Variants in CCL28 observed in about 807,000 individuals in gnomAD.
The protein encoded by CCL28 is C-C motif chemokine ligand 28.
In CCL28, 4 loss-of-function variants were observed where a neutral mutation model predicts 7.1. The ratio of observed to expected loss-of-function variants is 0.56; its 90% confidence interval spans 0.28 to 1.29. The LOEUF (loss-of-function observed/expected upper bound fraction) is 1.29. CCL28 is among the 50% of genes most tolerant of loss of function. The probability of loss-of-function intolerance (pLI) is 0.11; values close to 1 mark genes in which losing one functional copy is unlikely to be tolerated. For synonymous variants in CCL28, 55 were observed against 57.8 expected (o/e 0.95, Z 0.22); for missense variants, 151 against 163.4 (o/e 0.92, Z 0.41).
At chr5:43,389,030 T>C (rs927793702) in intron 1 of CCL28, among the ~76,000 whole-genome samples, 1 of 152,212 alleles carries the variant, frequency 6.6e-6, no homozygotes. Context: ...AAGGCCATAC[T>C]GTATGATTCC....
chr5:43,362,829 G>A, the CCL28 span, among the ~76,000 whole-genome samples: 1 of 152,148 alleles, frequency 6.6e-6, no homozygotes, highest in African/African-American at 2.4e-5. Flanking sequence ...TATTTCTGAT[G>A]TAAAAGATTG....
intron 2 of CCL28, chr5:43,384,152 A>T (rs937998505): frequency 6.5e-6 from 1 of 154,380 alleles, no homozygotes; most frequent in African/African-American, 2.4e-5. Flanking sequence ...TACACAGGAA[A>T]GACCTACGAT....
At position 43,381,278 on chromosome 5, in the gene CCL28, C is replaced by T. The variant is rs1234302315; in HGVS notation, c.*582G>A. ...ATATATAGATGTTCATTGTACCATT[C>T]TTTTAACTTCTCTGTAAGTTTGGAA... On this transcript the variant is annotated 3_prime_UTR_variant, in exon 3 of 3. Coordinates refer to ENST00000361115, the MANE Select transcript of CCL28 (RefSeq NM_148672.3). 2 of 152,096 alleles carry T rather than the reference C, an allele frequency of 1.3e-5. No individual in the cohort carries two copies. The highest frequency in any genetic ancestry group is 2.4e-5 in the African/African-American group (1 of 41,412). 9.4% of individuals were successfully genotyped at this position (152,096 alleles called of 1,614,324 possible).
At chr5:43,411,535 C>T (rs1177468379) in intron 1 of CCL28, among the ~76,000 whole-genome samples, 1 of 152,026 alleles carries the variant, frequency 6.6e-6, no homozygotes, top group Non-Finnish European at 1.5e-5. Context: ...TTTCCCCTCC[C>T]CTCCCCTCTT....
chr5:43,387,889 G>C (rs1048341240), intron 2 of CCL28: 1 of 153,522 alleles, frequency 6.5e-6, no homozygotes, highest in Non-Finnish European at 1.4e-5. Context: ...GCCTCCCAAA[G>C]TGCTGGGATT....
At chr5:43,387,110 G>GC in intron 2 of CCL28, among the ~76,000 whole-genome samples, 1 of 152,330 alleles carries the variant, frequency 6.6e-6, no homozygotes, top group Admixed American at 6.5e-5. Context: ...GCCACAAATG[G>GC]TGTTAAAACC....
intron 1 of CCL28, among the ~76,000 whole-genome samples, chr5:43,393,800 A>G (rs1740684992): frequency 6.6e-6 from 1 of 152,248 alleles, no homozygotes; most frequent in African/African-American, 2.4e-5. Context: ...GCCAAGGGCC[A>G]AATAACCTCC....
At chr5:43,370,268 G>A in the CCL28 span, among the ~76,000 whole-genome samples, 854 of 152,236 alleles carry the variant, frequency 5.6e-3, 8 homozygotes, top group African/African-American at 0.02. Flanking sequence ...ACCAGTTAAC[G>A]AATACATAAA....
At chr5:43,409,488 A>G (rs1741447614) in intron 1 of CCL28, among the ~76,000 whole-genome samples, 1 of 152,130 alleles carries the variant, frequency 6.6e-6, no homozygotes, top group Non-Finnish European at 1.5e-5. Context: ...AGTCCCACCT[A>G]TGTCAGACCT....
chr5:43,406,309 G>T (rs983063766), intron 1 of CCL28, among the ~76,000 whole-genome samples: 15 of 151,850 alleles, frequency 9.9e-5, no homozygotes, highest in Admixed American at 4.6e-4. Context: ...ATGATCAAGT[G>T]GGCTTCATCC....
chr5:43,364,831 T>A, the CCL28 span, among the ~76,000 whole-genome samples: 8 of 152,218 alleles, frequency 5.3e-5, no homozygotes, highest in African/African-American at 1.9e-4. Context: ...TGTATTTTTT[T>A]ATCTTTGTTG....
intron 1 of CCL28, among the ~76,000 whole-genome samples, chr5:43,396,623 A>T (rs1740814044): frequency 6.6e-6 from 1 of 152,214 alleles, no homozygotes; most frequent in Non-Finnish European, 1.5e-5. Flanking sequence ...TCGTAAAAGT[A>T]CTATTTATTA....
At chr5:43,372,475 T>G (rs974654064), downstream of CCL28, among the ~76,000 whole-genome samples, 1 of 151,982 alleles carries the variant, frequency 6.6e-6, no homozygotes, top group African/African-American at 2.4e-5. Context: ...TTCAAGGGAT[T>G]CTTCTGCTTC....
At chr5:43,396,875 G>A (rs1241555744) in intron 1 of CCL28, among the ~76,000 whole-genome samples, 1 of 152,230 alleles carries the variant, frequency 6.6e-6, no homozygotes, top group Non-Finnish European at 1.5e-5. Flanking sequence ...GACTGAAGTG[G>A]AAAACAGCGG....
Position 43,412,366 on chromosome 5 carries a change from T to C in CCL28, c.-50A>G. 1.3e-6 allele frequency: 2 copies of C among 1,557,260 alleles called. No homozygotes were observed. Among genetic ancestry groups the C allele is most frequent in the Non-Finnish European group, 1.8e-6 (2 of 1,135,008 alleles). On this transcript the variant is annotated 5_prime_UTR_variant, in exon 1 of 3. Coordinates refer to ENST00000361115, the MANE Select transcript of CCL28 (RefSeq NM_148672.3). ...CAGCAACACAAGTGAGGCTGTTCGA[T>C]CAGGAAATGAGGCTAAAGGTGTCCT...
chr5:43,403,649 A>T (rs1008432962), intron 1 of CCL28, among the ~76,000 whole-genome samples: 1 of 152,224 alleles, frequency 6.6e-6, no homozygotes, highest in African/African-American at 2.4e-5. Flanking sequence ...AATGGAACAA[A>T]GCTGGATGGA....
Position 43,412,356 on chromosome 5 carries a change from G to T in CCL28, c.-40C>A, listed in dbSNP as rs1010976638. On this transcript the variant is annotated 5_prime_UTR_variant, in exon 1 of 3. Coordinates refer to ENST00000361115, the MANE Select transcript of CCL28 (RefSeq NM_148672.3). Reference sequence around the variant, plus strand: ...CTGGCACTGACAGCAACACAAGTGAGGCTGTTCGATCAGGAAATGAGGCTA... The same window carrying T: ...CTGGCACTGACAGCAACACAAGTGATGCTGTTCGATCAGGAAATGAGGCTA... 1 of 1,576,218 alleles carries T rather than the reference G, an allele frequency of 6.3e-7. No homozygotes were observed. The highest frequency in any genetic ancestry group is 8.7e-7 in the Non-Finnish European group (1 of 1,150,048).
At position 43,388,342 on chromosome 5, in the gene CCL28, G is replaced by A. The variant is rs1223328231; in HGVS notation, c.191+8C>T. The A allele has an allele frequency of 3.7e-6, 6 of 1,613,878 alleles. No individual in the cohort carries two copies. In the African/African-American group the frequency reaches 6.7e-5, roughly 18 times the overall value. On this transcript the variant is annotated splice_region_variant and intron_variant, in intron 2 of 2. Coordinates refer to ENST00000361115, the MANE Select transcript of CCL28 (RefSeq NM_148672.3). ...CAGGTTTAGACCTCCCGGCTGATGAGCACTCACATGACAGCAGCCAAGTCA... is the reference window on the plus strand; with the variant it reads ...CAGGTTTAGACCTCCCGGCTGATGAACACTCACATGACAGCAGCCAAGTCA...
chr5:43,382,431 G>A (rs933782368), intron 2 of CCL28, among the ~76,000 whole-genome samples: 2 of 152,168 alleles, frequency 1.3e-5, no homozygotes, highest in African/African-American at 4.8e-5. Context: ...CATCCTCACA[G>A]CCCATCTCAA....
Sources: allele counts gnomAD v4.1 joint callset (sites outside exome capture counted in the v4.1 genomes callset), GRCh38; gene constraint gnomAD v4.1.1; transcripts MANE v1.5; gene names NCBI Gene and HGNC (gene_info 2026-07-23, HGNC 2026-07-21).